The following CELF2 variants were observed in gnomAD, a reference collection of about 807,000 sequenced individuals.
CELF2 encodes the protein CUGBP Elav-like family member 2.
Under a neutral mutation model 62.6 loss-of-function variants are expected in CELF2, and 8 were observed. That is an observed-to-expected ratio of 0.13 (90% CI 0.07 to 0.23). The LOEUF (loss-of-function observed/expected upper bound fraction) is 0.23. CELF2 is among the 10% of genes least tolerant of loss of function. CELF2 has a pLI of 1.00. For synonymous variants in CELF2, 258 were observed against 250.0 expected (o/e 1.03, Z -0.30); for missense variants, 333 against 671.0 (o/e 0.50, Z 5.56).
chr10:10,662,403 C>T, the CELF2 span, among the ~76,000 whole-genome samples: 2 of 152,134 alleles, frequency 1.3e-5, no homozygotes. Context: ...CAGCAGCTGC[C>T]ACCATTGAAC....
the CELF2 span, among the ~76,000 whole-genome samples, chr10:10,786,187 T>C: frequency 1.3e-5 from 2 of 152,198 alleles, no homozygotes; most frequent in Non-Finnish European, 2.9e-5. Flanking sequence ...ATTGCGCCAC[T>C]GTCTACCGGC....
At chr10:10,512,492 C>T in the CELF2 span, among the ~76,000 whole-genome samples, 11 of 150,898 alleles carry the variant, frequency 7.3e-5, no homozygotes, top group Admixed American at 2.0e-4. Flanking sequence ...CTGCAACCTC[C>T]GCCTCCCAGG....
intron 4 of CELF2, among the ~76,000 whole-genome samples, chr10:11,251,815 A>G (rs7086168): frequency 0.19 from 29,677 of 152,246 alleles, 3,389 homozygotes; most frequent in Non-Finnish European, 0.26. Context: ...GCAAGTATCC[A>G]GTGTGCTAAG....
intron 9 of CELF2, among the ~76,000 whole-genome samples, chr10:11,292,704 G>A (rs1181287808): frequency 2.0e-5 from 3 of 152,200 alleles, no homozygotes. Flanking sequence ...GACTACTGCA[G>A]TGGTCCCACA....
chr10:10,733,878 G>A, the CELF2 span, among the ~76,000 whole-genome samples: 28 of 152,292 alleles, frequency 1.8e-4, no homozygotes, highest in African/African-American at 6.0e-4. Flanking sequence ...GACAAACTGT[G>A]TCAGGGCCTA....
At chr10:10,555,206 C>A in the CELF2 span, among the ~76,000 whole-genome samples, 1 of 151,774 alleles carries the variant, frequency 6.6e-6, no homozygotes, top group Non-Finnish European at 1.5e-5. Context: ...AACAATTAGG[C>A]AACCAAGAGG....
At position 11,270,699 on chromosome 10, in the gene CELF2, G is replaced by T; in HGVS notation, c.652G>T (p.Asp218Tyr). 1.3e-6 allele frequency: 2 copies of T among 1,543,862 alleles called. No homozygotes were observed. The highest frequency in any genetic ancestry group is 8.8e-7 in the Non-Finnish European group (1 of 1,140,936). The part of the protein sequence containing the change: ...CSSPIVVKFA[D>Y]TQKDKEQRRL... Reference sequence around the variant, plus strand: ...TTCACCTATCGTGGTGAAGTTTGCTGACACTCAGAAGGACAAAGAGCAAAG... The same window carrying T: ...TTCACCTATCGTGGTGAAGTTTGCTTACACTCAGAAGGACAAAGAGCAAAG... Residue 218 changes from aspartate (D) to tyrosine (Y), a missense_variant, in exon 7 of 13, where the codon GAC (aspartate) becomes TAC (tyrosine). Physicochemically the swap from Asp to Tyr is radical, Grantham distance 160. This residue lies in a region of CELF2 where 253 missense variants were observed against 503.0 expected (regional missense o/e 0.50). Transcript: ENST00000633077. The surrounding 1 kb of genome is among the most constrained non-coding windows in gnomAD (Gnocchi z 5.8).
Position 11,328,866 on chromosome 10 carries a change from C to G in CELF2, c.1439-60C>G. 6.4e-7 allele frequency: 1 copy of G among 1,563,958 alleles called. No individual in the cohort carries two copies. Among genetic ancestry groups the G allele is most frequent in the Non-Finnish European group, 8.7e-7 (1 of 1,151,254 alleles). Reference sequence around the variant, plus strand: ...CAGCCTTCCCCAGAGCTCCAGCCCCCTTTTCTGTTTTCTGCTGGGCTTCCT... The same window carrying G: ...CAGCCTTCCCCAGAGCTCCAGCCCCGTTTTCTGTTTTCTGCTGGGCTTCCT... On this transcript the variant is annotated intron_variant, in intron 12 of 12. Transcript: ENST00000633077. This position sits in a 1 kb window ranked among gnomAD's most constrained non-coding sequence, Gnocchi z 6.4.
chr10:10,975,587 G>C (rs956855761), intron 2 of CELF2, among the ~76,000 whole-genome samples: 2 of 152,202 alleles, frequency 1.3e-5, no homozygotes, highest in Non-Finnish European at 2.9e-5. Context: ...GGAGATCTTA[G>C]TACTTGCATT....
chr10:10,745,129 AAAAC>A, the CELF2 span, among the ~76,000 whole-genome samples: 16 of 118,016 alleles, frequency 1.4e-4, no homozygotes, highest in South Asian at 3.5e-4. Context: ...AAAAAAAAAC[AAAAC>A]AAAAAAAAAC....
the CELF2 span, among the ~76,000 whole-genome samples, chr10:10,540,346 C>T: frequency 6.6e-6 from 1 of 152,332 alleles, no homozygotes; most frequent in African/African-American, 2.4e-5. Context: ...ATCTCATGCA[C>T]ACAGTCCTGG....
chr10:10,738,159 C>A, the CELF2 span, among the ~76,000 whole-genome samples: 1 of 152,098 alleles, frequency 6.6e-6, no homozygotes, highest in Admixed American at 6.5e-5. Context: ...TGCTTTTTAT[C>A]CTAAAGAAAT....
upstream of CELF2, chr10:10,794,706 G>A (rs574352170): frequency 6.6e-6 from 1 of 152,162 alleles, no homozygotes; most frequent in South Asian, 2.1e-4. Context: ...ACAATTGATG[G>A]TGAATGCCTT....
chr10:10,474,801 C>T, the CELF2 span, among the ~76,000 whole-genome samples: 1 of 152,042 alleles, frequency 6.6e-6, no homozygotes, highest in African/African-American at 2.4e-5. Flanking sequence ...AGACTGTACT[C>T]TCTCTACATG....
At chr10:11,210,926 T>C (rs1303655948) in intron 2 of CELF2, among the ~76,000 whole-genome samples, 1 of 150,150 alleles carries the variant, frequency 6.7e-6, no homozygotes, top group Non-Finnish European at 1.5e-5. Context: ...AGATTATGTG[T>C]CAATAAAAAA....
chr10:10,916,773 C>T (rs952296146), intron 1 of CELF2, among the ~76,000 whole-genome samples: 6 of 151,980 alleles, frequency 3.9e-5, no homozygotes, highest in African/African-American at 1.2e-4. Context: ...CCAGCACACC[C>T]GGCTAATTTT....
intron 2 of CELF2, among the ~76,000 whole-genome samples, chr10:11,195,241 G>T (rs2057147901): frequency 6.6e-6 from 1 of 152,200 alleles, no homozygotes; most frequent in South Asian, 2.1e-4. Flanking sequence ...TCCTCCAAGT[G>T]CTGTCTGAGA....
chr10:10,869,530 A>C (rs1031674417), intron 1 of CELF2, among the ~76,000 whole-genome samples: 3 of 151,708 alleles, frequency 2.0e-5, no homozygotes, highest in Non-Finnish European at 4.4e-5. Flanking sequence ...ACCCCACTGC[A>C]CTCCAGCCTG....
intron 2 of CELF2, among the ~76,000 whole-genome samples, chr10:10,941,052 C>T (rs185905548): frequency 3.3e-5 from 5 of 151,892 alleles, no homozygotes; most frequent in East Asian, 1.9e-4. Flanking sequence ...GTTGTTCTAG[C>T]GAAACAACAC....
Sources: gnomAD v4.1 joint callset for allele counts (sites outside exome capture counted in the v4.1 genomes callset) on GRCh38, gnomAD v4.1.1 for gene constraint, gnomAD v4.1.1 regional missense constraint, Gnocchi (gnomAD v3.1) non-coding constraint, MANE v1.5 for transcripts, NCBI Gene and HGNC (gene_info 2026-07-23, HGNC 2026-07-21) for gene names.